Variants in TTF1 observed in about 807,000 individuals in gnomAD.
TTF1 encodes the protein transcription termination factor, RNA polymerase I.
TTF1 carries 64 observed loss-of-function variants against 80.2 expected under a neutral mutation model. The observed-to-expected ratio is 0.80, with a 90% CI of 0.65 to 0.98. TTF1 has a LOEUF of 0.98. Ranked by LOEUF, TTF1 falls within the 50% of genes least tolerant of loss-of-function variation. The pLI is 0.00. For missense variants in TTF1, 1,023 were observed against 1,086.2 expected, an observed-to-expected ratio of 0.94 and a Z score of 0.82; for synonymous variants, 372 against 382.7, an observed-to-expected ratio of 0.97 and a Z score of 0.33.
chr9:132,377,768 ATGTGGTGTGTGTGAG>A (rs1849245419), intron 10 of TTF1, among the ~76,000 whole-genome samples: 1 of 114,188 alleles, frequency 8.8e-6, no homozygotes. Context: ...GTGTGAATGC[ATGTGGTGTGTGTGAG>A]TGCATGTGGT....
chr9:132,400,108 C>A lies in TTF1; in HGVS notation c.1518G>T (p.Lys506Asn). 6.2e-7 allele frequency: 1 copy of A among 1,614,142 alleles called. No homozygotes were observed. The highest frequency in any genetic ancestry group is 8.5e-7 in the Non-Finnish European group (1 of 1,180,036). ...GCTTGATTGTGCTGGTGGCCCTGTC[C>A]TTGATGTTAGGAATGAACTCCTGAA... ...KQLQEFIPNI[K>N]DRATSTIKRM... The change falls in exon 3 of 11, where the codon AAG becomes AAT. Residue 506 changes from lysine (K) to asparagine (N), a missense_variant. Coordinates refer to ENST00000334270, the MANE Select transcript of TTF1 (RefSeq NM_007344.4).
rs150899244 is a variant in TTF1, at chr9:132,387,119, G to A, written c.2313-498C>T. Among the ~76,000 whole-genome samples the A allele has an allele frequency of 4.6e-4, 70 of 152,196 alleles. 1 individual carries two copies. Among genetic ancestry groups the A allele is most frequent in the African/African-American group, 1.5e-3 (63 of 41,526 alleles). ...ACCATAAGCACGTGGCACCATGCCC[G>A]GCTAATTTTTTAGATTTTTTGTAGG... On this transcript the variant is annotated intron_variant, in intron 8 of 10. Transcript: ENST00000334270.
intron 9 of TTF1, among the ~76,000 whole-genome samples, chr9:132,382,878 C>T (rs1171543672): frequency 3.3e-5 from 5 of 151,720 alleles, no homozygotes; most frequent in African/African-American, 9.7e-5. Context: ...CCAGCCTGGC[C>T]AACATGGTGA....
chr9:132,385,596 C>T (rs1383798044), intron 9 of TTF1, among the ~76,000 whole-genome samples: 1 of 152,236 alleles, frequency 6.6e-6, no homozygotes, highest in Non-Finnish European at 1.5e-5. Context: ...CGAACATCTT[C>T]AGTCTCATCC....
At chr9:132,378,726 GTGCT>G (rs199513612) in intron 10 of TTF1, among the ~76,000 whole-genome samples, 1 of 150,978 alleles carries the variant, frequency 6.6e-6, no homozygotes, top group African/African-American at 2.5e-5. Flanking sequence ...GTGTGTGTGA[GTGCT>G]TGCATGTGGT....
chr9:132,393,409 G>A (rs766444380), intron 5 of TTF1, among the ~76,000 whole-genome samples: 12 of 152,216 alleles, frequency 7.9e-5, no homozygotes, highest in South Asian at 6.2e-4. Flanking sequence ...GCGGAAAACC[G>A]CTTAAAGGCA....
At chr9:132,401,241 G>A (rs1473350695) in intron 2 of TTF1, among the ~76,000 whole-genome samples, 1 of 152,004 alleles carries the variant, frequency 6.6e-6, no homozygotes, top group Non-Finnish European at 1.5e-5. Context: ...CTGGGGAATC[G>A]CTTGAACCCG....
intron 10 of TTF1, 128 bp from the exon 11 acceptor site, chr9:132,376,296 C>T: frequency 9.4e-7 from 1 of 1,063,346 alleles, no homozygotes. Context: ...GGTCTGGTTC[C>T]AATTGGTTTA....
At chr9:132,392,750 A>G (rs1849583418) in intron 5 of TTF1, among the ~76,000 whole-genome samples, 3 of 152,176 alleles carry the variant, frequency 2.0e-5, no homozygotes, top group Admixed American at 2.0e-4. Flanking sequence ...GTTTCCTAGT[A>G]GTCATAGGAA....
intron 7 of TTF1, among the ~76,000 whole-genome samples, chr9:132,388,767 G>A (rs1849513130): frequency 6.6e-6 from 1 of 152,228 alleles, no homozygotes; most frequent in African/African-American, 2.4e-5. Context: ...TAATGCCGAA[G>A]CTAGTGGCTG....
chr9:132,402,397 G>A lies in TTF1; in HGVS notation c.425C>T (p.Thr142Ile). The change falls in exon 2 of 11, where the codon ACA becomes ATA. Residue 142 changes from threonine (T) to isoleucine (I), a missense_variant. By Grantham distance (89) the Thr-to-Ile change is moderately conservative. Coordinates refer to ENST00000334270, the MANE Select transcript of TTF1 (RefSeq NM_007344.4). ...CTTAGCAAGTACCTGAAATTTGTCT[G>A]TTTTAGGCTTTCTTGGTAACTTCTG... ...IEQKLPRKPK[T>I]DKFQVLAKSH... 6.2e-7 allele frequency: 1 copy of A among 1,614,156 alleles called. No homozygotes were observed. The highest frequency in any genetic ancestry group is 1.1e-5 in the South Asian group (1 of 91,080).
chr9:132,399,557 T>A (rs1326102838), intron 3 of TTF1, among the ~76,000 whole-genome samples: 2 of 152,164 alleles, frequency 1.3e-5, no homozygotes, highest in African/African-American at 4.8e-5. Flanking sequence ...TTATTTATTA[T>A]TCTTAATAAT....
chr9:132,380,203 G>A (rs1849344956), intron 9 of TTF1, among the ~76,000 whole-genome samples: 2 of 152,044 alleles, frequency 1.3e-5, no homozygotes, highest in African/African-American at 4.8e-5. Context: ...CTGAGTAGCT[G>A]GGATTACAGG....
chr9:132,400,126 C>A lies in TTF1; in HGVS notation c.1500G>T (p.Glu500Asp). The A allele has an allele frequency of 6.2e-7, 1 of 1,614,178 alleles. No homozygotes were observed. The highest frequency in any genetic ancestry group is 1.1e-5 in the South Asian group (1 of 91,086). ...DLGSAVKQLQEFIPNIKDRAT... is the reference protein window; with the variant it reads ...DLGSAVKQLQDFIPNIKDRAT... ...CCCTGTCCTTGATGTTAGGAATGAA[C>A]TCCTGAAGCTGTTTCACGGCAGAAC... The change falls in exon 3 of 11, where the codon GAG (glutamate) becomes GAT (aspartate). Residue 500 changes from glutamate (E) to aspartate (D), a missense_variant. By Grantham distance (45) the Glu-to-Asp change is conservative (BLOSUM62 2). Transcript: ENST00000334270.
chr9:132,395,173 C>G (rs1849625791), intron 5 of TTF1, among the ~76,000 whole-genome samples: 1 of 152,054 alleles, frequency 6.6e-6, no homozygotes, highest in African/African-American at 2.4e-5. Flanking sequence ...GCCTGGGCGA[C>G]AGACTGAGAC....
At chr9:132,388,734 G>A (rs923008220) in intron 7 of TTF1, among the ~76,000 whole-genome samples, 2 of 152,216 alleles carry the variant, frequency 1.3e-5, no homozygotes, top group African/African-American at 4.8e-5. Flanking sequence ...TTAGTAAAGT[G>A]AGAAATGATT....
Position 132,402,328 on chromosome 9 carries a change from T to C in TTF1, c.494A>G (p.Glu165Gly). 1 of 1,614,134 alleles carries C rather than the reference T, an allele frequency of 6.2e-7. No individual in the cohort carries two copies. Among genetic ancestry groups the C allele is most frequent in the Non-Finnish European group, 8.5e-7 (1 of 1,180,020 alleles). The change falls in exon 2 of 11, where the codon GAG (glutamate) becomes GGG (glycine). Residue 165 changes from glutamate (E) to glycine (G), a missense_variant. Coordinates refer to ENST00000334270, the MANE Select transcript of TTF1 (RefSeq NM_007344.4). Reference sequence around the variant, plus strand: ...CCTCTGATGCTTTTTATTCTTTTTCTCCCTAACTTTACTGTGCAGGGCTTC... The same window carrying C: ...CCTCTGATGCTTTTTATTCTTTTTCCCCCTAACTTTACTGTGCAGGGCTTC... ...KSEALHSKVREKKNKKHQRKA... is the reference protein window; with the variant it reads ...KSEALHSKVRGKKNKKHQRKA...
chr9:132,379,367 A>G (rs1849326247), intron 9 of TTF1, among the ~76,000 whole-genome samples: 1 of 152,244 alleles, frequency 6.6e-6, no homozygotes, highest in African/African-American at 2.4e-5. Context: ...AAGAATCAGT[A>G]GTACAGAATG....
At chr9:132,376,604 C>T (rs913602843) in intron 10 of TTF1, among the ~76,000 whole-genome samples, 4 of 151,394 alleles carry the variant, frequency 2.6e-5, no homozygotes, top group Non-Finnish European at 4.4e-5. Flanking sequence ...GTTCTGGACT[C>T]GGTCTAGAGA....
Sources: allele counts gnomAD v4.1 joint callset (sites outside exome capture counted in the v4.1 genomes callset), GRCh38; gene constraint gnomAD v4.1.1; transcripts MANE v1.5; gene names NCBI Gene and HGNC (gene_info 2026-07-23, HGNC 2026-07-21).